Variants in MACROD2 observed in about 807,000 individuals in gnomAD.
MACROD2 encodes ADP-ribose glycohydrolase MACROD2.
Under a neutral mutation model 70.4 loss-of-function variants are expected in MACROD2, and 36 were observed. The observed-to-expected ratio is 0.51, with a 90% CI of 0.39 to 0.68. The LOEUF is 0.68. Ranked by LOEUF, MACROD2 falls within the 30% of genes least tolerant of loss-of-function variation. The probability of loss-of-function intolerance (pLI) is 0.00; values close to 1 mark genes in which losing one functional copy is unlikely to be tolerated. For missense variants in MACROD2, 496 were observed against 538.4 expected (o/e 0.92, Z 0.78); for synonymous variants, 172 against 178.8 (o/e 0.96, Z 0.30).
At chr20:14,181,100 C>A (rs1350670593) in intron 3 of MACROD2, among the ~76,000 whole-genome samples, 1 of 148,808 alleles carries the variant, frequency 6.7e-6, no homozygotes, top group Non-Finnish European at 1.5e-5. Flanking sequence ...GGGTCTCTCT[C>A]TCTGTTGCCC....
intron 5 of MACROD2, among the ~76,000 whole-genome samples, chr20:14,882,550 A>G (rs1299203627): frequency 6.6e-6 from 1 of 152,210 alleles, no homozygotes; most frequent in Non-Finnish European, 1.5e-5. Context: ...TGAGATACAG[A>G]AGATTTACTC....
chr20:15,285,161 C>T (rs569815730), intron 6 of MACROD2, among the ~76,000 whole-genome samples: 13 of 152,250 alleles, frequency 8.5e-5, no homozygotes, highest in Admixed American at 3.3e-4. Context: ...TTCATTTTCT[C>T]TGGATAGCTA....
chr20:15,867,757 G>T (rs2109537), intron 9 of MACROD2, among the ~76,000 whole-genome samples: 2 of 151,856 alleles, frequency 1.3e-5, no homozygotes, highest in African/African-American at 4.8e-5. Flanking sequence ...AATTTTCCCC[G>T]TAATAACAAT....
intron 2 of MACROD2, among the ~76,000 whole-genome samples, chr20:14,037,927 A>G (rs1364115689): frequency 6.6e-6 from 1 of 151,726 alleles, no homozygotes; most frequent in Non-Finnish European, 1.5e-5. Context: ...AGGTGGGCGG[A>G]TTGAGGCCAG....
intron 5 of MACROD2, among the ~76,000 whole-genome samples, chr20:15,221,429 C>A (rs561834427): frequency 6.6e-6 from 1 of 152,320 alleles, no homozygotes; most frequent in South Asian, 2.1e-4. Flanking sequence ...CACATTTCCT[C>A]TGAGACCCCT....
chr20:16,013,253 T>C (rs1032782359), intron 15 of MACROD2, among the ~76,000 whole-genome samples: 2 of 152,138 alleles, frequency 1.3e-5, no homozygotes, highest in Non-Finnish European at 2.9e-5. Flanking sequence ...AAGTAATATA[T>C]ATCACCATTG....
intron 5 of MACROD2, among the ~76,000 whole-genome samples, chr20:14,959,921 G>A (rs927734115): frequency 6.6e-6 from 1 of 152,164 alleles, no homozygotes; most frequent in Non-Finnish European, 1.5e-5. Flanking sequence ...GCCTAGATCA[G>A]TCTAGACACT....
At chr20:15,736,555 G>A (rs1400924529) in intron 8 of MACROD2, among the ~76,000 whole-genome samples, 1 of 51,978 alleles carries the variant, frequency 1.9e-5, no homozygotes, top group African/African-American at 3.8e-5. Flanking sequence ...ACTAATTTGA[G>A]TAGAGGAGAT....
At chr20:15,181,614 C>T (rs1201415848) in intron 5 of MACROD2, among the ~76,000 whole-genome samples, 7 of 152,076 alleles carry the variant, frequency 4.6e-5, no homozygotes, top group Non-Finnish European at 7.4e-5. Context: ...ATTCTAAGAC[C>T]GGCCCGTTAG....
chr20:14,840,033 C>CTTTTTTT (rs71190154), intron 5 of MACROD2, among the ~76,000 whole-genome samples: 12 of 142,492 alleles, frequency 8.4e-5, no homozygotes, highest in Non-Finnish European at 1.4e-4. Context: ...GTCTCCATGT[C>CTTTTTTT]TTTTTTTTTT....
At chr20:15,787,592 G>A (rs10460644) in intron 8 of MACROD2, among the ~76,000 whole-genome samples, 69,893 of 151,854 alleles carry the variant, frequency 0.46, 16,607 homozygotes, top group African/African-American at 0.59. Context: ...TTTGCTTAGG[G>A]TAATGGCCTC....
At chr20:14,122,702 G>A (rs2054602059) in intron 3 of MACROD2, among the ~76,000 whole-genome samples, 1 of 152,136 alleles carries the variant, frequency 6.6e-6, no homozygotes, top group Admixed American at 6.5e-5. Context: ...GTACATATTT[G>A]GAAAGGAGAC....
chr20:15,248,254 G>C (rs2077124011), intron 6 of MACROD2, among the ~76,000 whole-genome samples: 1 of 152,144 alleles, frequency 6.6e-6, no homozygotes, highest in Admixed American at 6.5e-5. Flanking sequence ...TTCCTGGTGT[G>C]ATCCTCAAGC....
intron 3 of MACROD2, among the ~76,000 whole-genome samples, chr20:14,413,057 T>C (rs780661996): frequency 2.0e-5 from 3 of 152,132 alleles, no homozygotes; most frequent in Non-Finnish European, 4.4e-5. Context: ...ACCACAAATC[T>C]AGCCATAGCC....
chr20:15,105,668 C>G (rs1453303088), intron 5 of MACROD2, among the ~76,000 whole-genome samples: 1 of 152,044 alleles, frequency 6.6e-6, no homozygotes, highest in Non-Finnish European at 1.5e-5. Context: ...ATAAATCATT[C>G]AGGGAGCTTC....
intron 5 of MACROD2, among the ~76,000 whole-genome samples, chr20:15,114,956 G>C (rs2123231360): frequency 6.6e-6 from 1 of 152,232 alleles, no homozygotes. Flanking sequence ...TGTGTTTGGA[G>C]CTGACTGATC....
chr20:14,377,457 A>G (rs560826193), intron 3 of MACROD2, among the ~76,000 whole-genome samples: 1 of 152,300 alleles, frequency 6.6e-6, no homozygotes, highest in Admixed American at 6.5e-5. Flanking sequence ...AATTTGTCTC[A>G]TCACTATCTA....
chr20:15,523,802 C>T (rs1042025302), intron 8 of MACROD2, among the ~76,000 whole-genome samples: 6 of 152,138 alleles, frequency 3.9e-5, no homozygotes, highest in African/African-American at 1.2e-4. Flanking sequence ...TTTCCATGAT[C>T]GATGGACAGT....
intron 8 of MACROD2, among the ~76,000 whole-genome samples, chr20:15,811,161 T>C (rs1251195447): frequency 6.6e-6 from 1 of 151,922 alleles, no homozygotes; most frequent in African/African-American, 2.4e-5. Context: ...ACCCACAAAA[T>C]GGGAGAAAAT....
Sources: gnomAD v4.1 joint callset for allele counts (sites outside exome capture counted in the v4.1 genomes callset) on GRCh38, gnomAD v4.1.1 for gene constraint, MANE v1.5 for transcripts, NCBI Gene and HGNC (gene_info 2026-07-23, HGNC 2026-07-21) for gene names.